The following PDGFC variants were observed in gnomAD, a reference collection of about 807,000 sequenced individuals.
PDGFC encodes platelet derived growth factor C, also known as platelet-derived growth factor C.
Under a neutral mutation model 35.5 loss-of-function variants are expected in PDGFC, and 12 were observed. The ratio of observed to expected loss-of-function variants is 0.34; its 90% CI spans 0.22 to 0.55. The LOEUF is 0.55. Ranked by LOEUF, PDGFC falls within the 20% of genes least tolerant of loss-of-function variation. The pLI is 0.91. For missense variants in PDGFC, 322 were observed against 412.4 expected, an observed-to-expected ratio of 0.78 and a Z score of 1.90; for synonymous variants, 159 against 148.8, an observed-to-expected ratio of 1.07 and a Z score of -0.50.
rs186241142 is a variant in PDGFC at position 156,922,517 on chromosome 4, C to T, written c.118+48269G>A. Reference sequence around the variant, plus strand: ...GACATCAAGAGCAAGGGCAGAGTGCCCTCTAGTATGACAAAATGGCACAGA... The same window carrying T: ...GACATCAAGAGCAAGGGCAGAGTGCTCTCTAGTATGACAAAATGGCACAGA... On this transcript the variant is annotated intron_variant, in intron 1 of 5. Coordinates refer to ENST00000502773, the MANE Select transcript of PDGFC (RefSeq NM_016205.3). Among the ~76,000 whole-genome samples, 138 of 152,202 alleles carry T rather than the reference C, an allele frequency of 9.1e-4. 4 individuals are homozygous for T. The highest frequency in any genetic ancestry group is 9.0e-3 in the Admixed American group (138 of 15,290).
intron 2 of PDGFC, among the ~76,000 whole-genome samples, chr4:156,844,897 T>A (rs764845250): frequency 6.6e-6 from 1 of 151,792 alleles, no homozygotes; most frequent in African/African-American, 2.4e-5. Flanking sequence ...AAAGAAAATA[T>A]CAGAAAAGAT....
rs566161836 is a variant in PDGFC at position 156,884,843 on chromosome 4, T to A, written c.119-34427A>T. 3.9e-5 allele frequency among the ~76,000 whole-genome samples: 6 copies of A among 152,304 alleles called. No homozygotes were observed. In the South Asian group the frequency reaches 1.2e-3, roughly 32 times the overall value. On this transcript the variant is annotated intron_variant, in intron 1 of 5. Coordinates refer to ENST00000502773, the MANE Select transcript of PDGFC (RefSeq NM_016205.3). ...ACATGCAAAAAGATTAATGAATATG[T>A]GACTCTACTGCACGATGGATCAAGT...
At chr4:156,907,986 G>C (rs866640418) in intron 1 of PDGFC, among the ~76,000 whole-genome samples, 5 of 152,098 alleles carry the variant, frequency 3.3e-5, no homozygotes, top group African/African-American at 1.2e-4. Context: ...GGCCAATATG[G>C]TGAAACCCCG....
At chr4:156,824,421 C>CAT (rs1000007635) in intron 2 of PDGFC, among the ~76,000 whole-genome samples, 3 of 150,732 alleles carry the variant, frequency 2.0e-5, no homozygotes, top group Non-Finnish European at 3.0e-5. Context: ...TACACACACA[C>CAT]ATATATATAC....
chr4:156,810,465 T>C (rs114097391), intron 3 of PDGFC, among the ~76,000 whole-genome samples: 4,865 of 152,070 alleles, frequency 0.032, 94 homozygotes, highest in South Asian at 0.069. Flanking sequence ...AATGAATAAA[T>C]TGTCATTTTC....
intron 1 of PDGFC, among the ~76,000 whole-genome samples, chr4:156,851,416 G>T (rs956255300): frequency 2.0e-5 from 3 of 152,172 alleles, no homozygotes; most frequent in Non-Finnish European, 2.9e-5. Context: ...TCACATTTAT[G>T]AAATGCTAAA....
intron 1 of PDGFC, among the ~76,000 whole-genome samples, chr4:156,895,423 A>G (rs1730608678): frequency 6.6e-6 from 1 of 152,154 alleles, no homozygotes; most frequent in African/African-American, 2.4e-5. Context: ...TCACTAGGTC[A>G]GGAGTTCAAG....
intron 3 of PDGFC, among the ~76,000 whole-genome samples, chr4:156,787,353 A>C (rs141276941): frequency 1.3e-5 from 2 of 152,288 alleles, no homozygotes; most frequent in African/African-American, 4.8e-5. Context: ...TAGGTCTGAT[A>C]AGAGGAGGAT....
intron 2 of PDGFC, among the ~76,000 whole-genome samples, chr4:156,832,966 T>A (rs1239897873): frequency 6.6e-6 from 1 of 152,168 alleles, no homozygotes; most frequent in East Asian, 1.9e-4. Flanking sequence ...GAGAGTTTGG[T>A]TCATATGGAT....
chr4:156,804,257 A>T (rs1414381158), intron 3 of PDGFC, among the ~76,000 whole-genome samples: 3 of 152,076 alleles, frequency 2.0e-5, no homozygotes, highest in Non-Finnish European at 4.4e-5. Flanking sequence ...CAAGTTAAAA[A>T]AAAGTAATCG....
intron 3 of PDGFC, among the ~76,000 whole-genome samples, chr4:156,795,015 T>A (rs1009838067): frequency 6.6e-6 from 1 of 152,212 alleles, no homozygotes; most frequent in South Asian, 2.1e-4. Flanking sequence ...TGAAGCATAC[T>A]GACTGTTGAC....
At chr4:156,953,412 G>T (rs1271613446) in intron 1 of PDGFC, among the ~76,000 whole-genome samples, 1 of 151,822 alleles carries the variant, frequency 6.6e-6, no homozygotes, top group Non-Finnish European at 1.5e-5. Context: ...TTCTAAAAAG[G>T]TTCATTAAGA....
At chr4:156,848,641 T>C (rs144660409) in intron 2 of PDGFC, among the ~76,000 whole-genome samples, 11 of 152,102 alleles carry the variant, frequency 7.2e-5, no homozygotes, top group African/African-American at 1.9e-4. Flanking sequence ...AGAAAGCACA[T>C]GGTATTACTC....
chr4:156,797,778 C>T (rs558286045), intron 3 of PDGFC, among the ~76,000 whole-genome samples: 4 of 152,272 alleles, frequency 2.6e-5, no homozygotes, highest in Admixed American at 1.3e-4. Flanking sequence ...GGTTGAAGTA[C>T]GGCTGCTGTG....
intron 3 of PDGFC, among the ~76,000 whole-genome samples, chr4:156,781,614 T>C (rs1290505703): frequency 6.6e-6 from 1 of 152,096 alleles, no homozygotes; most frequent in Non-Finnish European, 1.5e-5. Flanking sequence ...CATTTTATCC[T>C]GTCAGAAGGC....
At chr4:156,843,821 T>C (rs1358775376) in intron 2 of PDGFC, among the ~76,000 whole-genome samples, 1 of 152,136 alleles carries the variant, frequency 6.6e-6, no homozygotes, top group Non-Finnish European at 1.5e-5. Context: ...ATCTATTTTA[T>C]TGTCTTCAGT....
chr4:156,805,440 T>C (rs949521158), intron 3 of PDGFC, among the ~76,000 whole-genome samples: 2 of 152,046 alleles, frequency 1.3e-5, no homozygotes, highest in Non-Finnish European at 2.9e-5. Flanking sequence ...TGTCGACTTA[T>C]TAGAATTGGT....
intron 2 of PDGFC, among the ~76,000 whole-genome samples, chr4:156,819,345 T>C (rs890800808): frequency 3.3e-5 from 5 of 152,198 alleles, no homozygotes; most frequent in Non-Finnish European, 7.4e-5. Context: ...AGTCAATGCC[T>C]GGCTTCAAAG....
intron 2 of PDGFC, among the ~76,000 whole-genome samples, chr4:156,821,265 G>A (rs1231349072): frequency 6.6e-6 from 1 of 151,882 alleles, no homozygotes; most frequent in Non-Finnish European, 1.5e-5. Flanking sequence ...GTCTCACTCT[G>A]TCATACAGGC....
Sources: allele counts gnomAD v4.1 joint callset (sites outside exome capture counted in the v4.1 genomes callset), GRCh38; gene constraint gnomAD v4.1.1; transcripts MANE v1.5; gene names NCBI Gene and HGNC (gene_info 2026-07-23, HGNC 2026-07-21).